The following IRF8 variants were observed in gnomAD, a reference collection of about 807,000 sequenced individuals.
The protein encoded by IRF8 is interferon regulatory factor 8, also known as interferon consensus sequence binding protein 1.
IRF8 carries 14 observed loss-of-function variants against 48.7 expected under a neutral mutation model. The ratio of observed to expected loss-of-function variants is 0.29; its 90% CI spans 0.19 to 0.45. The LOEUF is 0.45. IRF8 is among the 20% of genes least tolerant of loss of function. IRF8 has a pLI of 1.00. For missense variants in IRF8, 493 were observed against 580.7 expected (o/e 0.85, Z 1.55); for synonymous variants, 278 against 227.3 (o/e 1.22, Z -2.01).
chr16:85,909,804 C>T (rs1400143290), intron 3 of IRF8: 1 of 155,040 alleles, frequency 6.4e-6, no homozygotes, highest in Non-Finnish European at 1.4e-5. Flanking sequence ...GATCTGGCCT[C>T]AGAAGGCTTC....
At chr16:85,918,382 C>G (rs375583961) in intron 6 of IRF8, 35 bp from the exon 7 acceptor site, 1 of 1,589,782 alleles carries the variant, frequency 6.3e-7, no homozygotes. Context: ...GTATGTCTCC[C>G]CGCAGCACCG....
In IRF8 at chr16:85,902,783, T is replaced by A. The variant is rs505577; in HGVS notation, c.-1-232T>A. The A allele has an allele frequency of 7.4e-5, 42 of 567,980 alleles. No individual in the cohort carries two copies. The highest frequency in any genetic ancestry group is 4.7e-4 in the Middle Eastern group (1 of 2,114). The allele number at this position is 567,980 out of a possible 1,614,324, so 35.2% of individuals were successfully genotyped here. A position where few individuals can be genotyped will look rare whatever the true frequency, so the allele number is the denominator to read the frequency against. ...GTGGGAGGGGCCTGCAGGGGGCTGC[T>A]GGTGGCTGCAGGTTTCCCACGGAGC... is the stretch of plus-strand genomic sequence containing the variant. On this transcript the variant is annotated intron_variant, in intron 1 of 8. Coordinates refer to ENST00000268638, the MANE Select transcript of IRF8 (RefSeq NM_002163.4).
chr16:85,905,688 A>G (rs1169618175), intron 2 of IRF8, among the ~76,000 whole-genome samples: 2 of 152,210 alleles, frequency 1.3e-5, no homozygotes, highest in Non-Finnish European at 2.9e-5. Flanking sequence ...CGTTGGCCGG[A>G]TAGATCTTTG....
Position 85,918,625 on chromosome 16 carries a change from G to T in IRF8, c.810G>T (p.Leu270=), listed in dbSNP as rs1597256790. The part of the protein sequence containing the change: ...SERQRQVTRK[L]FGHLERGVLL... ...GACAGAGGCAGGTGACGCGGAAGCT[G>T]TTCGGGCACCTGGAGCGCGGGGTGC... Residue 270 remains leucine (L), a synonymous_variant, in exon 7 of 9, where the codon CTG becomes CTT. Coordinates refer to ENST00000268638, the MANE Select transcript of IRF8 (RefSeq NM_002163.4). 3 of 1,608,356 alleles carry T rather than the reference G, an allele frequency of 1.9e-6. No individual in the cohort carries two copies. The Admixed American group carries it at 5.0e-5, about 27-fold the overall frequency.
intron 7 of IRF8, 100 bp from the exon 8 acceptor site, chr16:85,920,009 C>A: frequency 2.3e-6 from 2 of 872,126 alleles, no homozygotes; most frequent in Non-Finnish European, 3.8e-6. Context: ...GGCCTAAATG[C>A]TACAAGCCCT....
intron 6 of IRF8, among the ~76,000 whole-genome samples, chr16:85,916,676 CAG>C (rs1905318307): frequency 6.6e-6 from 1 of 152,156 alleles, no homozygotes. Flanking sequence ...CCGGAAATGA[CAG>C]GGCAAAGGGC....
At chr16:85,907,344 C>T (rs1376965230) in intron 2 of IRF8, among the ~76,000 whole-genome samples, 3 of 152,204 alleles carry the variant, frequency 2.0e-5, no homozygotes, top group African/African-American at 7.2e-5. Context: ...GAAGTGTGGT[C>T]TCCTGGGTAG....
At chr16:85,918,185 ACT>A (rs1320882362) in intron 6 of IRF8, among the ~76,000 whole-genome samples, 1 of 152,204 alleles carries the variant, frequency 6.6e-6, no homozygotes, top group Non-Finnish European at 1.5e-5. Context: ...TACAGAGAAC[ACT>A]GTTGTAGTTA....
At chr16:85,906,587 G>A (rs1405406246) in intron 2 of IRF8, among the ~76,000 whole-genome samples, 1 of 152,246 alleles carries the variant, frequency 6.6e-6, no homozygotes, top group Non-Finnish European at 1.5e-5. Context: ...TGCTCGTGGG[G>A]TGAGTGTGAG....
intron 3 of IRF8, among the ~76,000 whole-genome samples, chr16:85,910,260 C>T (rs1019839087): frequency 4.6e-5 from 7 of 152,150 alleles, no homozygotes; most frequent in Non-Finnish European, 7.4e-5. Flanking sequence ...ATGCCCGACC[C>T]GGACAGTACA....
intron 1 of IRF8, among the ~76,000 whole-genome samples, chr16:85,902,444 G>A (rs973429113): frequency 1.3e-5 from 2 of 152,160 alleles, no homozygotes; most frequent in Admixed American, 6.5e-5. Context: ...GAATGAGATC[G>A]CGGTTCTGTC....
intron 1 of IRF8, among the ~76,000 whole-genome samples, chr16:85,902,046 C>T (rs1284241697): frequency 6.6e-6 from 1 of 151,108 alleles, no homozygotes; most frequent in African/African-American, 2.4e-5. Context: ...TTTCTCTGTG[C>T]TGTTGGGGAA....
Position 85,913,182 on chromosome 16 carries a change from G to C in IRF8, c.499G>C (p.Glu167Gln). ...GATCAAAAGGAGCCCTTCCCCGCCG[G>C]AGGCCTGTCGGAGTCAGCTCCTTCC... is the stretch of plus-strand genomic sequence containing the variant. ...GMIKRSPSPP[E>Q]ACRSQLLPDW... The change falls in exon 5 of 9, where the codon GAG becomes CAG. Residue 167 changes from glutamate to glutamine, a missense_variant. Coordinates refer to ENST00000268638, the MANE Select transcript of IRF8 (RefSeq NM_002163.4). 1 of 1,614,190 alleles carries C rather than the reference G, an allele frequency of 6.2e-7. No individual in the cohort carries two copies. Among genetic ancestry groups the C allele is most frequent in the Non-Finnish European group, 8.5e-7 (1 of 1,180,032 alleles).
At chr16:85,910,612 G>A (rs1361359340) in intron 3 of IRF8, among the ~76,000 whole-genome samples, 1 of 152,126 alleles carries the variant, frequency 6.6e-6, no homozygotes, top group African/African-American at 2.4e-5. Flanking sequence ...TTATAGCATG[G>A]GGTGCAGCCA....
At chr16:85,904,840 G>T in intron 2 of IRF8, among the ~76,000 whole-genome samples, 3 of 70,320 alleles carry the variant, frequency 4.3e-5, no homozygotes, top group Admixed American at 1.4e-4. Context: ...TTTGCCTTTG[G>T]CATCATGGTG....
At chr16:85,905,170 C>T (rs1406432265) in intron 2 of IRF8, among the ~76,000 whole-genome samples, 1 of 152,192 alleles carries the variant, frequency 6.6e-6, no homozygotes, top group East Asian at 1.9e-4. Context: ...TAAGAGCTGG[C>T]CACTGCCAGG....
rs956232894 is a variant in IRF8, at chr16:85,921,152, G to A, written c.1151G>A (p.Ser384Asn). Residue 384 changes from serine (S) to asparagine (N), a missense_variant, in exon 9 of 9, where the codon AGC becomes AAC. Around this residue, in one of 3 missense-constraint regions of IRF8, gnomAD observed 408 missense variants for 449.6 expected, o/e 0.91. Transcript: ENST00000268638. ...VRQLAEEAGK[S>N]CGAGSVMQAP... ...CAACTGGCAGAAGAGGCTGGGAAGA[G>A]CTGTGGAGCCGGCTCTGTGATGCAG... The A allele has an allele frequency of 2.5e-6, 4 of 1,614,020 alleles. No individual in the cohort carries two copies. Among genetic ancestry groups the A allele is most frequent in the African/African-American group, 2.7e-5 (2 of 74,928 alleles).
intron 2 of IRF8, among the ~76,000 whole-genome samples, chr16:85,906,901 G>A (rs1245219364): frequency 6.6e-6 from 1 of 152,156 alleles, no homozygotes; most frequent in Non-Finnish European, 1.5e-5. Context: ...CCACAAAGAA[G>A]GGTCCCAGCT....
chr16:85,904,959 C>T (rs1234656775), intron 2 of IRF8, among the ~76,000 whole-genome samples: 2 of 152,044 alleles, frequency 1.3e-5, no homozygotes, highest in African/African-American at 4.8e-5. Context: ...CTCTGCCTCG[C>T]CACTGTTGAT....
Sources: allele counts gnomAD v4.1 joint callset (sites outside exome capture counted in the v4.1 genomes callset), GRCh38; gene constraint gnomAD v4.1.1; regional missense constraint gnomAD v4.1.1; transcripts MANE v1.5; gene names NCBI Gene and HGNC (gene_info 2026-07-23, HGNC 2026-07-21).